CYP4X1: variants seen among roughly 807,000 people sequenced by gnomAD.
CYP4X1 encodes cytochrome P450 family 4 subfamily X member 1, also known as cytochrome P450 4X1.
In CYP4X1, 44 loss-of-function variants were observed where a neutral mutation model predicts 57.9. The ratio of observed to expected loss-of-function variants is 0.76; its 90% CI spans 0.60 to 0.98. CYP4X1 has a LOEUF of 0.98. CYP4X1 is among the 50% of genes least tolerant of loss of function. CYP4X1 has a pLI of 0.00. For synonymous variants in CYP4X1, 227 were observed against 228.6 expected, an observed-to-expected ratio of 0.99 and a Z score of 0.06; for missense variants, 532 against 623.9, an observed-to-expected ratio of 0.85 and a Z score of 1.57.
At chr1:47,052,558 T>G (rs1333894742), downstream of CYP4X1, among the ~76,000 whole-genome samples, 1 of 152,144 alleles carries the variant, frequency 6.6e-6, no homozygotes, top group Admixed American at 6.5e-5. Flanking sequence ...ACCATGGTAC[T>G]CTTCAAGCTT....
chr1:47,004,728 A>C, the CYP4X1 span, among the ~76,000 whole-genome samples: 1 of 152,194 alleles, frequency 6.6e-6, no homozygotes, highest in Non-Finnish European at 1.5e-5. Context: ...GTAAAGGCAG[A>C]TAATTGCCCT....
chr1:46,996,239 GT>G, the CYP4X1 span, among the ~76,000 whole-genome samples: 1 of 152,184 alleles, frequency 6.6e-6, no homozygotes, highest in East Asian at 1.9e-4. Context: ...TTGGTAAGAG[GT>G]ACAGCCAGGA....
At chr1:47,052,918 T>A (rs1021699322), downstream of CYP4X1, among the ~76,000 whole-genome samples, 4 of 152,230 alleles carry the variant, frequency 2.6e-5, no homozygotes, top group Non-Finnish European at 5.9e-5. Context: ...CTATTTCTTT[T>A]TTTTATTTTA....
upstream of CYP4X1, among the ~76,000 whole-genome samples, chr1:47,022,675 G>A (rs1217924865): frequency 1.3e-5 from 2 of 152,338 alleles, no homozygotes; most frequent in African/African-American, 2.4e-5. Context: ...GGGGGCGGAA[G>A]GGCGGGGAAG....
At chr1:46,967,750 A>G in the CYP4X1 span, 1 of 1,274,802 alleles carries the variant, frequency 7.8e-7, no homozygotes, top group East Asian at 2.7e-5. Context: ...GAACTTCAGC[A>G]AAATTCATGG....
chr1:47,041,832 T>C lies in CYP4X1; in HGVS notation c.1073+2300T>C, dbSNP rs531296909. 2.6e-5 allele frequency among the ~76,000 whole-genome samples: 4 copies of C among 152,218 alleles called. No individual in the cohort carries two copies. In the South Asian group the frequency reaches 8.3e-4, roughly 32 times the overall value. On this transcript the variant is annotated intron_variant, in intron 8 of 11. Coordinates refer to ENST00000371901, the MANE Select transcript of CYP4X1 (RefSeq NM_178033.2). ...TCTTCTGTTGACTATACTTCCAGAG[T>C]TGTATCCAAAAAATCATTGCCAAGA...
In CYP4X1 at chr1:47,038,701, G is replaced by C; in HGVS notation, c.817G>C (p.Val273Leu). 1 of 1,610,880 alleles carries C rather than the reference G, an allele frequency of 6.2e-7. No individual in the cohort carries two copies. The highest frequency in any genetic ancestry group is 8.5e-7 in the Non-Finnish European group (1 of 1,178,476). Residue 273 changes from valine (V) to leucine (L), a missense_variant, in exon 7 of 12, where the codon GTA becomes CTA. Physicochemically the swap from Val to Leu is conservative, Grantham distance 32. Transcript: ENST00000371901. ...QERKKSLQAG[V>L]KQDNTPKRKY... ...AAGAAAGAAATCCCTCCAGGCTGGG[G>C]TAAAGCAGGATAACACTCCGAAGAG...
chr1:47,009,836 A>G, the CYP4X1 span, among the ~76,000 whole-genome samples: 1 of 152,242 alleles, frequency 6.6e-6, no homozygotes, highest in Non-Finnish European at 1.5e-5. Context: ...TCCTCGACAC[A>G]TACACCTTCC....
At chr1:47,024,135 T>C (rs1644035677) in intron 1 of CYP4X1, 141 bp downstream of exon 1, 2 of 1,025,900 alleles carry the variant, frequency 1.9e-6, no homozygotes, top group Middle Eastern at 3.2e-4. Flanking sequence ...GCCCGGCCTG[T>C]GGCTCTTAGC....
the CYP4X1 span, among the ~76,000 whole-genome samples, chr1:46,995,455 G>A: frequency 6.6e-6 from 1 of 152,090 alleles, no homozygotes; most frequent in South Asian, 2.1e-4. Context: ...GACAAGCACC[G>A]AGAAAATCAT....
At position 47,035,855 on chromosome 1, in the gene CYP4X1, A is replaced by G. The variant is rs1644174188; in HGVS notation, c.542A>G (p.Tyr181Cys). ...ACTCAGGACACAAGCGTGGAGGTCT[A>G]TGAGCACATCAACTCGATGTCTCTG... ...CSTQDTSVEV[Y>C]EHINSMSLDI... Residue 181 changes from tyrosine (Y) to cysteine (C), a missense_variant, in exon 5 of 12, where the codon TAT (tyrosine) becomes TGT (cysteine). Transcript: ENST00000371901. 3.7e-6 allele frequency: 6 copies of G among 1,613,612 alleles called. No individual in the cohort carries two copies. Among genetic ancestry groups the G allele is most frequent in the African/African-American group, 1.3e-5 (1 of 74,908 alleles).
At chr1:46,990,291 A>G in the CYP4X1 span, among the ~76,000 whole-genome samples, 2 of 152,228 alleles carry the variant, frequency 1.3e-5, no homozygotes, top group Admixed American at 6.5e-5. Context: ...CAACAAACAT[A>G]TGAAAAAAAG....
the CYP4X1 span, among the ~76,000 whole-genome samples, chr1:46,985,773 G>C: frequency 6.6e-6 from 1 of 152,184 alleles, no homozygotes; most frequent in African/African-American, 2.4e-5. Flanking sequence ...CTGCAGCAGA[G>C]ACGCTTTACT....
chr1:47,021,142 CA>C (rs546594827), upstream of CYP4X1, among the ~76,000 whole-genome samples: 1,135 of 47,314 alleles, frequency 0.024, 5 homozygotes, highest in African/African-American at 0.093. Flanking sequence ...GCAGGAATGC[CA>C]AAAAAAAAAA....
At position 47,046,564 on chromosome 1, in the gene CYP4X1, C is replaced by T. The variant is rs1644304703; in HGVS notation, c.1171C>T (p.Pro391Ser). Residue 391 changes from proline (P) to serine (S), a missense_variant, in exon 9 of 12, where the codon CCA (proline) becomes TCA (serine). Physicochemically the swap from Pro to Ser is moderately conservative, Grantham distance 74. Coordinates refer to ENST00000371901, the MANE Select transcript of CYP4X1 (RefSeq NM_178033.2). ...GTCCATTTCCAGAGATCTCAGCAAG[C>T]CACTTACCTTCCCAGATGGATGCAC... Reference protein sequence around the residue: ...VPSISRDLSKPLTFPDGCTLP... With the variant: ...VPSISRDLSKSLTFPDGCTLP... The T allele has an allele frequency of 6.2e-7, 1 of 1,614,048 alleles. No homozygotes were observed. The highest frequency in any genetic ancestry group is 1.1e-5 in the South Asian group (1 of 91,078).
rs553316586 is a variant in CYP4X1 at position 47,044,316 on chromosome 1, A to G, written c.1074-2151A>G. 4.6e-5 allele frequency among the ~76,000 whole-genome samples: 7 copies of G among 152,318 alleles called. No individual in the cohort carries two copies. The East Asian group carries it at 1.3e-3, about 29-fold the overall frequency. ...ACATAAAGCATAGTTATAAAAGGCTATTTTAAACTGATAACAGCTTAACTT... is the reference window on the plus strand; with the variant it reads ...ACATAAAGCATAGTTATAAAAGGCTGTTTTAAACTGATAACAGCTTAACTT... On this transcript the variant is annotated intron_variant, in intron 8 of 11. Coordinates refer to ENST00000371901, the MANE Select transcript of CYP4X1 (RefSeq NM_178033.2).
the CYP4X1 span, among the ~76,000 whole-genome samples, chr1:46,976,994 A>G: frequency 1.3e-5 from 2 of 152,184 alleles, no homozygotes; most frequent in African/African-American, 2.4e-5. Context: ...GGCCAAAGGT[A>G]GATAAAACCA....
the CYP4X1 span, among the ~76,000 whole-genome samples, chr1:46,969,222 T>C: frequency 3.3e-5 from 5 of 152,196 alleles, no homozygotes; most frequent in Admixed American, 3.3e-4. Flanking sequence ...CCACGTGACA[T>C]GCTGGCTCCC....
Position 47,050,554 on chromosome 1 carries a change from C to G in CYP4X1, c.*380C>G, listed in dbSNP as rs1463117834. ...CATGTAGAATAAAAATTTTAAATCT[C>G]ACTTCACTTAGCCGACATTCCATGC... is the stretch of plus-strand genomic sequence containing the variant. On this transcript the variant is annotated 3_prime_UTR_variant, in exon 12 of 12. Coordinates refer to ENST00000371901, the MANE Select transcript of CYP4X1 (RefSeq NM_178033.2). 3.1e-5 allele frequency: 5 copies of G among 162,742 alleles called. No individual in the cohort carries two copies. Among genetic ancestry groups the G allele is most frequent in the Admixed American group, 2.4e-4 (4 of 16,824 alleles). The allele number at this position is 162,742 out of a possible 1,614,324, so 10.1% of individuals were successfully genotyped here. A position where few individuals can be genotyped will look rare whatever the true frequency, so the allele number is the denominator to read the frequency against.
Sources: allele counts gnomAD v4.1 joint callset (sites outside exome capture counted in the v4.1 genomes callset), GRCh38; gene constraint gnomAD v4.1.1; transcripts MANE v1.5; gene names NCBI Gene and HGNC (gene_info 2026-07-23, HGNC 2026-07-21).